The following C8B variants were observed in gnomAD, a reference collection of about 807,000 sequenced individuals.
C8B encodes the protein complement component C8 beta chain.
A neutral mutation model predicts 64.6 loss-of-function variants in C8B; 67 were observed. The observed-to-expected ratio is 1.04, with a 90% CI of 0.85 to 1.27. The LOEUF (loss-of-function observed/expected upper bound fraction) is 1.27, where lower values mean the gene tolerates loss of function less well. C8B is among the 50% of genes most tolerant of loss of function. The pLI, the probability that C8B is intolerant of heterozygous loss-of-function variation, is 0.00. For missense variants in C8B, 790 were observed against 725.2 expected, an observed-to-expected ratio of 1.09 and a Z score of -1.03; for synonymous variants, 284 against 257.7, an observed-to-expected ratio of 1.10 and a Z score of -0.98.
intron 9 of C8B, 55 bp downstream of exon 9, chr1:56,940,794 C>A: frequency 1.2e-6 from 2 of 1,606,340 alleles, no homozygotes; most frequent in Admixed American, 3.3e-5. Flanking sequence ...CATGGTAGGT[C>A]CTCAGAAGCT....
chr1:56,934,729 G>A (rs919995010), intron 9 of C8B, among the ~76,000 whole-genome samples: 1 of 152,054 alleles, frequency 6.6e-6, no homozygotes, highest in Non-Finnish European at 1.5e-5. Context: ...ACCATTTTGT[G>A]GTCAATGAAT....
At chr1:56,932,323 A>G (rs993013689) in intron 10 of C8B, among the ~76,000 whole-genome samples, 1 of 152,188 alleles carries the variant, frequency 6.6e-6, no homozygotes, top group Non-Finnish European at 1.5e-5. Flanking sequence ...GTGATGCCCT[A>G]TGTGAATTTG....
At position 56,945,950 on chromosome 1, in the gene C8B, G is replaced by A. The variant is rs1179847180; in HGVS notation, c.976C>T (p.Leu326=). Residue 326 remains leucine, a synonymous_variant, in exon 7 of 12, where the codon CTG becomes TTG. Coordinates refer to ENST00000371237, the MANE Select transcript of C8B (RefSeq NM_000066.4). ...EFLQRVKRLP[L]EYSYGEYRDL... Reference sequence around the variant, plus strand: ...CTGTATTCCCCGTAGCTGTACTCCAGGGGCAGCCGCTTAACTCTCTGAAGG... The same window carrying A: ...CTGTATTCCCCGTAGCTGTACTCCAAGGGCAGCCGCTTAACTCTCTGAAGG... 1.2e-6 allele frequency: 2 copies of A among 1,614,138 alleles called. No individual in the cohort carries two copies. The highest frequency in any genetic ancestry group is 2.2e-5 in the East Asian group (1 of 44,864).
Position 56,956,922 on chromosome 1 carries a change from A to T in C8B, c.250-12T>A, listed in dbSNP as rs199751348. 82 of 1,614,032 alleles carry T rather than the reference A, an allele frequency of 5.1e-5. 1 individual carries two copies. The Middle Eastern group carries it at 2.0e-3, about 39-fold the overall frequency. On this transcript the variant is annotated splice_polypyrimidine_tract_variant and intron_variant, in intron 2 of 11. Coordinates refer to ENST00000371237, the MANE Select transcript of C8B (RefSeq NM_000066.4). ...TAGGCATACCTGTACTGTAGCAGAG[A>T]GGAGCCAGGTGAACCAAGGGTAAAG... is the stretch of plus-strand genomic sequence containing the variant.
At chr1:56,963,817 C>T (rs561905990) in intron 1 of C8B, 7 of 970,262 alleles carry the variant, frequency 7.2e-6, no homozygotes, top group Admixed American at 1.2e-4. Flanking sequence ...AAGTTGCTGG[C>T]ACAGAGTGGC....
At chr1:56,933,058 C>T (rs947286241) in intron 10 of C8B, among the ~76,000 whole-genome samples, 5 of 152,196 alleles carry the variant, frequency 3.3e-5, no homozygotes, top group Admixed American at 6.5e-5. Context: ...GCTTCTCCTA[C>T]TCAGCCCAGG....
At chr1:56,952,949 G>A (rs184364198) in intron 4 of C8B, among the ~76,000 whole-genome samples, 70 of 152,244 alleles carry the variant, frequency 4.6e-4, no homozygotes, top group Non-Finnish European at 8.1e-4. Context: ...TTGAAGTGGC[G>A]GTTTTCTTAA....
At chr1:56,964,553 C>T (rs1299414189) in intron 1 of C8B, among the ~76,000 whole-genome samples, 2 of 152,220 alleles carry the variant, frequency 1.3e-5, no homozygotes, top group Non-Finnish European at 2.9e-5. Flanking sequence ...CTTAGCCATT[C>T]GGCAAACACC....
chr1:56,941,110 T>A, intron 8 of C8B, 98 bp from the exon 9 acceptor site: 1 of 1,319,540 alleles, frequency 7.6e-7, no homozygotes, highest in Non-Finnish European at 1.1e-6. Flanking sequence ...CCATATTCAC[T>A]GAACTTGTCT....
chr1:56,950,177 A>G (rs1405872913), intron 5 of C8B, among the ~76,000 whole-genome samples: 2 of 152,206 alleles, frequency 1.3e-5, no homozygotes, highest in African/African-American at 4.8e-5. Flanking sequence ...TAGGCTTTTG[A>G]ATTACTTCTC....
At chr1:56,940,758 T>C in intron 9 of C8B, 91 bp downstream of exon 9, 1 of 1,453,672 alleles carries the variant, frequency 6.9e-7, no homozygotes. Context: ...TGGGTCTTAG[T>C]GATCTCTGCA....
At chr1:56,945,239 TAA>T (rs1321613128) in intron 7 of C8B, among the ~76,000 whole-genome samples, 1 of 152,098 alleles carries the variant, frequency 6.6e-6, no homozygotes, top group East Asian at 1.9e-4. Flanking sequence ...CCTATGGTGG[TAA>T]TAGGAAAAAT....
chr1:56,965,658 G>A (rs1183175113), intron 1 of C8B, among the ~76,000 whole-genome samples, 199 bp downstream of exon 1: 1 of 152,084 alleles, frequency 6.6e-6, no homozygotes, highest in Non-Finnish European at 1.5e-5. Context: ...TTTCTTACAG[G>A]AACTTTTGTT....
chr1:56,957,962 C>G (rs604842), intron 2 of C8B, among the ~76,000 whole-genome samples: 102,323 of 152,032 alleles, frequency 0.67, 34,745 homozygotes, highest in South Asian at 0.76. Context: ...GAAGAACTGA[C>G]GAGAGTGGGG....
In C8B at chr1:56,929,387, C is replaced by T; in HGVS notation, c.*17G>A. 2 of 1,611,798 alleles carry T rather than the reference C, an allele frequency of 1.2e-6. No homozygotes were observed. Among genetic ancestry groups the T allele is most frequent in the Non-Finnish European group, 1.7e-6 (2 of 1,179,686 alleles). On this transcript the variant is annotated 3_prime_UTR_variant, in exon 12 of 12. Coordinates refer to ENST00000371237, the MANE Select transcript of C8B (RefSeq NM_000066.4). ...CTCAGGGCTCTCATTGTATGTAGCCCACTGCTGTATCATCTGCTAGGAGCA... is the reference window on the plus strand; with the variant it reads ...CTCAGGGCTCTCATTGTATGTAGCCTACTGCTGTATCATCTGCTAGGAGCA...
chr1:56,951,913 A>T, intron 5 of C8B, 135 bp downstream of exon 5: 1 of 907,016 alleles, frequency 1.1e-6, no homozygotes, highest in Non-Finnish European at 1.8e-6. Flanking sequence ...TGGAGGAAGG[A>T]ACTGCCCATT....
chr1:56,934,199 C>G (rs1489388752), intron 9 of C8B, among the ~76,000 whole-genome samples: 1 of 144,808 alleles, frequency 6.9e-6, no homozygotes, highest in Admixed American at 7.0e-5. Context: ...ATTGTAAGCT[C>G]CCAGAGATCA....
At chr1:56,934,140 CT>C (rs57782394) in intron 9 of C8B, among the ~76,000 whole-genome samples, 193 of 145,906 alleles carry the variant, frequency 1.3e-3, no homozygotes, top group African/African-American at 2.9e-3. Context: ...TCAATACTGT[CT>C]TTTTTTTTTT....
chr1:56,954,429 G>A lies in C8B; in HGVS notation c.533+257C>T, dbSNP rs115764795. 4.7e-3 allele frequency among the ~76,000 whole-genome samples: 722 copies of A among 152,286 alleles called. 5 individuals are homozygous for A. The highest frequency in any genetic ancestry group is 0.017 in the African/African-American group (700 of 41,564). On this transcript the variant is annotated intron_variant, in intron 4 of 11. Coordinates refer to ENST00000371237, the MANE Select transcript of C8B (RefSeq NM_000066.4). ...CCAGCCCTTGCATAGCAGCCTGTGT[G>A]GTTTCCACACATGCACAGCTCTGTC...
Sources: gnomAD v4.1 joint callset for allele counts (sites outside exome capture counted in the v4.1 genomes callset) on GRCh38, gnomAD v4.1.1 for gene constraint, MANE v1.5 for transcripts, NCBI Gene and HGNC (gene_info 2026-07-23, HGNC 2026-07-21) for gene names.